Variants in KCNIP4 observed in about 807,000 individuals in gnomAD.
KCNIP4 encodes the protein potassium voltage-gated channel interacting protein 4.
In KCNIP4, 12 loss-of-function variants were observed where a neutral mutation model predicts 34.0. The observed-to-expected ratio is 0.35, with a 90% confidence interval of 0.23 to 0.57. The LOEUF (loss-of-function observed/expected upper bound fraction) is 0.57, where lower values mean the gene tolerates loss of function less well. Among genes scored for constraint, KCNIP4 ranks in the 20% least tolerant of loss-of-function variants. The pLI is 0.83. For synonymous variants in KCNIP4, 124 were observed against 102.2 expected, an observed-to-expected ratio of 1.21 and a Z score of -1.29; for missense variants, 238 against 311.7, an observed-to-expected ratio of 0.76 and a Z score of 1.78.
At chr4:21,530,622 A>C (rs2108976230) in intron 1 of KCNIP4, among the ~76,000 whole-genome samples, 1 of 152,284 alleles carries the variant, frequency 6.6e-6, no homozygotes, top group East Asian at 1.9e-4. Flanking sequence ...GCTCTTTGTA[A>C]ATGTCTTAAA....
At chr4:20,764,520 A>G (rs939492348) in intron 3 of KCNIP4, among the ~76,000 whole-genome samples, 3 of 152,078 alleles carry the variant, frequency 2.0e-5, no homozygotes, top group Non-Finnish European at 2.9e-5. Context: ...CTAATCCCAG[A>G]AGGAGAATCG....
chr4:20,747,051 A>C (rs1398945214), intron 5 of KCNIP4, among the ~76,000 whole-genome samples: 1 of 152,216 alleles, frequency 6.6e-6, no homozygotes, highest in Non-Finnish European at 1.5e-5. Flanking sequence ...TTTTCATTTA[A>C]AAGGAAAGGC....
chr4:21,138,661 C>G (rs573319903), intron 1 of KCNIP4, among the ~76,000 whole-genome samples: 1 of 151,846 alleles, frequency 6.6e-6, no homozygotes, highest in East Asian at 1.9e-4. Flanking sequence ...AGGGACTTTG[C>G]GTATGTGATT....
intron 1 of KCNIP4, among the ~76,000 whole-genome samples, chr4:21,076,370 T>C (rs1745487264): frequency 6.6e-6 from 1 of 152,162 alleles, no homozygotes. Flanking sequence ...TGAAATGTTA[T>C]GGCTCTTATA....
Position 20,850,558 on chromosome 4 carries a change from G to C in KCNIP4, c.273C>G (p.Tyr91Ter). 1 of 1,612,864 alleles carries C rather than the reference G, an allele frequency of 6.2e-7. No homozygotes were observed. The highest frequency in any genetic ancestry group is 8.5e-7 in the Non-Finnish European group (1 of 1,179,708). The change falls in exon 3 of 9, where the codon TAC becomes TAG. Residue 91 changes from tyrosine (Y) to a stop codon, truncating the protein, a stop_gained. Coordinates refer to ENST00000382152, the MANE Select transcript of KCNIP4 (RefSeq NM_025221.6). LOFTEE classifies it high-confidence loss of function. Reference sequence around the variant, plus strand: ...AAGTTCTTACATTCTTAAATCCTCTGTAAAGGATCTGAAGCTCTTTCTTGG... The same window carrying C: ...AAGTTCTTACATTCTTAAATCCTCTCTAAAGGATCTGAAGCTCTTTCTTGG... Reference protein sequence around the residue: ...KFTKKELQILYRGFKNECPSG... With the variant: ...KFTKKELQIL
chr4:20,854,401 A>G (rs1456554039), intron 2 of KCNIP4, among the ~76,000 whole-genome samples: 1 of 152,180 alleles, frequency 6.6e-6, no homozygotes, highest in East Asian at 1.9e-4. Context: ...TGGAAAACCA[A>G]ACCTCGTGTG....
At chr4:21,622,894 T>C (rs969668887) in intron 1 of KCNIP4, among the ~76,000 whole-genome samples, 1 of 152,188 alleles carries the variant, frequency 6.6e-6, no homozygotes, top group African/African-American at 2.4e-5. Context: ...ATATTTCTTC[T>C]GCCATCACTC....
chr4:20,758,845 A>G lies in KCNIP4; in HGVS notation c.334T>C (p.Tyr112His). Reference protein sequence around the residue: ...VVNEETFKEIYSQFFPQGDST... With the variant: ...VVNEETFKEIHSQFFPQGDST... ...CCTCCCTGTGGAAAGAACTGCGAGT[A>G]AATCTCTTTGAAGGTTTCTTCATTA... is the stretch of plus-strand genomic sequence containing the variant. The change falls in exon 4 of 9, where the codon TAC becomes CAC. Residue 112 changes from tyrosine to histidine, a missense_variant. Tyr to His is a moderately conservative substitution (Grantham distance 83). Coordinates refer to ENST00000382152, the MANE Select transcript of KCNIP4 (RefSeq NM_025221.6). 1 of 1,613,350 alleles carries G rather than the reference A, an allele frequency of 6.2e-7. No homozygotes were observed.
At chr4:21,008,471 GAT>G (rs1454871881) in intron 1 of KCNIP4, among the ~76,000 whole-genome samples, 7 of 152,036 alleles carry the variant, frequency 4.6e-5, no homozygotes, top group African/African-American at 1.4e-4. Context: ...AATACTTATG[GAT>G]TAGAATAAAT....
intron 1 of KCNIP4, among the ~76,000 whole-genome samples, chr4:21,307,136 G>A (rs566356431): frequency 6.6e-6 from 1 of 152,142 alleles, no homozygotes; most frequent in Admixed American, 6.5e-5. Flanking sequence ...TGCCGGGCCG[G>A]CAGGAACTAT....
At chr4:20,769,260 G>T (rs927889089) in intron 3 of KCNIP4, among the ~76,000 whole-genome samples, 1 of 152,064 alleles carries the variant, frequency 6.6e-6, no homozygotes, top group Admixed American at 6.6e-5. Context: ...TCTACAAATT[G>T]TACTTATTTT....
At chr4:20,865,733 T>C (rs1722815249) in intron 2 of KCNIP4, among the ~76,000 whole-genome samples, 1 of 152,024 alleles carries the variant, frequency 6.6e-6, no homozygotes, top group African/African-American at 2.4e-5. Flanking sequence ...GGTCAAGGTA[T>C]AGAAAGTAAC....
chr4:21,717,526 A>G (rs2109089278), intron 1 of KCNIP4, among the ~76,000 whole-genome samples: 1 of 152,330 alleles, frequency 6.6e-6, no homozygotes, highest in African/African-American at 2.4e-5. Context: ...TGGCTATGGC[A>G]GAACCAATGA....
intron 1 of KCNIP4, among the ~76,000 whole-genome samples, chr4:21,795,575 T>G (rs1578000356): frequency 6.6e-6 from 1 of 152,180 alleles, no homozygotes; most frequent in East Asian, 1.9e-4. Context: ...TAGATGAACT[T>G]GAAATACTCT....
chr4:21,212,026 C>T (rs1757255074), intron 1 of KCNIP4, among the ~76,000 whole-genome samples: 2 of 152,172 alleles, frequency 1.3e-5, no homozygotes, highest in African/African-American at 4.8e-5. Flanking sequence ...CCAGATGCTT[C>T]CCTCTCAGAT....
At chr4:21,332,896 C>G (rs771920169) in intron 1 of KCNIP4, among the ~76,000 whole-genome samples, 20 of 151,932 alleles carry the variant, frequency 1.3e-4, no homozygotes, top group Non-Finnish European at 2.5e-4. Context: ...TATGGTTTAT[C>G]AAGTATTACC....
At chr4:21,384,219 TA>T (rs1348959477) in intron 1 of KCNIP4, among the ~76,000 whole-genome samples, 2 of 152,212 alleles carry the variant, frequency 1.3e-5, no homozygotes, top group African/African-American at 2.4e-5. Flanking sequence ...CACCATCATT[TA>T]TTTTTTATGT....
rs185904132 is a variant in KCNIP4, at chr4:21,189,288, T to C, written c.62-306579A>G. The stretch of plus-strand genomic sequence containing the variant: ...TTTTTAAAGGCATTGTCTCCCAGTT[T>C]CCCATCTGCTTCACAGCTCCATCCA... On this transcript the variant is annotated intron_variant, in intron 1 of 8. Transcript: ENST00000382152. Among the ~76,000 whole-genome samples the C allele has an allele frequency of 3.6e-3, 546 of 152,290 alleles. 1 individual carries two copies. Among genetic ancestry groups the C allele is most frequent in the Middle Eastern group, 0.01 (3 of 294 alleles).
intron 1 of KCNIP4, among the ~76,000 whole-genome samples, chr4:21,703,891 G>T (rs2109066136): frequency 6.6e-6 from 1 of 152,284 alleles, no homozygotes; most frequent in African/African-American, 2.4e-5. Flanking sequence ...ATTTTGAAAA[G>T]TAAGTCTTGA....
Sources: gnomAD v4.1 joint callset for allele counts (sites outside exome capture counted in the v4.1 genomes callset) on GRCh38, gnomAD v4.1.1 for gene constraint, MANE v1.5 for transcripts, NCBI Gene and HGNC (gene_info 2026-07-23, HGNC 2026-07-21) for gene names.